Variants in ATP6V1A observed in about 807,000 individuals in gnomAD.
The protein encoded by ATP6V1A is V-type proton ATPase catalytic subunit A.
Under a neutral mutation model 70.1 loss-of-function variants are expected in ATP6V1A, and 18 were observed. That is an observed-to-expected ratio of 0.26 (90% CI 0.18 to 0.38). The LOEUF is 0.38. Ranked by LOEUF, ATP6V1A falls within the 10% of genes least tolerant of loss-of-function variation. The probability of loss-of-function intolerance (pLI) is 1.00; values close to 1 mark genes in which losing one functional copy is unlikely to be tolerated. For missense variants in ATP6V1A, 424 were observed against 772.4 expected (o/e 0.55, Z 5.35); for synonymous variants, 232 against 253.8 (o/e 0.91, Z 0.82).
chr3:113,806,602 G>A (rs1577097688), intron 14 of ATP6V1A, among the ~76,000 whole-genome samples: 1 of 152,016 alleles, frequency 6.6e-6, no homozygotes, highest in Non-Finnish European at 1.5e-5. Flanking sequence ...GGGATTACAG[G>A]TGCCTGCCAC....
At chr3:113,782,764 A>T (rs915239255) in intron 3 of ATP6V1A, among the ~76,000 whole-genome samples, 1 of 151,668 alleles carries the variant, frequency 6.6e-6, no homozygotes, top group African/African-American at 2.4e-5. Context: ...CTGGGATTAC[A>T]GGCACGTGCC....
intron 1 of ATP6V1A, among the ~76,000 whole-genome samples, chr3:113,757,886 C>T (rs530802800): frequency 2.6e-5 from 4 of 152,356 alleles, no homozygotes; most frequent in South Asian, 4.1e-4. Context: ...TGGCTCACGC[C>T]TGTAATCCCA....
At position 113,811,196 on chromosome 3, in the gene ATP6V1A, GTATT is replaced by G. The variant is rs1224086548; in HGVS notation, c.*1775_*1778del. 1 of 152,052 alleles carries G rather than the reference GTATT, an allele frequency of 6.6e-6. No homozygotes were observed. The highest frequency in any genetic ancestry group is 2.4e-5 in the African/African-American group (1 of 41,414). The allele number at this position is 152,052 out of a possible 1,614,324, so 9.4% of individuals were successfully genotyped here. On this transcript the variant is annotated 3_prime_UTR_variant, in exon 15 of 15. Coordinates refer to ENST00000273398, the MANE Select transcript of ATP6V1A (RefSeq NM_001690.4). ...CCCAAATTGTGATAGCATAAATAAA[GTATT>G]TATTTTATGCCTCAGTATATTATTA... is the stretch of plus-strand genomic sequence containing the variant.
chr3:113,795,049 G>A lies in ATP6V1A; in HGVS notation c.1112-41G>A, dbSNP rs754359929. Reference sequence around the variant, plus strand: ...CAAGACTGATGGGATTTTCGGGGCTGGCTTAGAAACTCTGTTTTAAAATTT... The same window carrying A: ...CAAGACTGATGGGATTTTCGGGGCTAGCTTAGAAACTCTGTTTTAAAATTT... On this transcript the variant is annotated intron_variant, in intron 9 of 14. Transcript: ENST00000273398. The A allele has an allele frequency of 8.7e-6, 14 of 1,613,362 alleles. No homozygotes were observed. The East Asian group carries it at 3.1e-4, about 36-fold the overall frequency.
chr3:113,778,358 C>T (rs1708939203), intron 1 of ATP6V1A, among the ~76,000 whole-genome samples: 1 of 152,186 alleles, frequency 6.6e-6, no homozygotes, highest in Non-Finnish European at 1.5e-5. Context: ...CCTTCCACTG[C>T]ACTCCAGCCT....
intron 14 of ATP6V1A, among the ~76,000 whole-genome samples, chr3:113,806,145 C>T (rs1217992245): frequency 2.0e-5 from 3 of 152,050 alleles, no homozygotes; most frequent in Middle Eastern, 3.2e-3. Flanking sequence ...GTGGGGCACA[C>T]ACCTGTAGTC....
chr3:113,761,473 G>A (rs190609058), intron 1 of ATP6V1A, among the ~76,000 whole-genome samples: 28 of 151,844 alleles, frequency 1.8e-4, no homozygotes, highest in African/African-American at 5.6e-4. Context: ...TTGGTGGCTC[G>A]CACGTGTTAT....
chr3:113,754,713 T>C (rs1205340375), intron 1 of ATP6V1A, among the ~76,000 whole-genome samples: 17 of 152,218 alleles, frequency 1.1e-4, no homozygotes, highest in Non-Finnish European at 2.5e-4. Flanking sequence ...GACTTAATCA[T>C]ATGACAGAAT....
At chr3:113,808,319 GTGTCACTC>G (rs1451613318) in intron 14 of ATP6V1A, among the ~76,000 whole-genome samples, 3 of 113,858 alleles carry the variant, frequency 2.6e-5, no homozygotes, top group Non-Finnish European at 5.1e-5. Flanking sequence ...CTGAGACAGA[GTGTCACTC>G]TGTCACTAGG....
chr3:113,808,440 C>T (rs566617614), intron 14 of ATP6V1A, among the ~76,000 whole-genome samples: 6 of 151,728 alleles, frequency 4.0e-5, no homozygotes, highest in South Asian at 2.1e-4. Context: ...TACAGGTGCA[C>T]GCCACCATGC....
chr3:113,782,670 C>G (rs1374596919), intron 3 of ATP6V1A, among the ~76,000 whole-genome samples: 1 of 150,610 alleles, frequency 6.6e-6, no homozygotes, highest in African/African-American at 2.4e-5. Flanking sequence ...GTCGCCCAGG[C>G]TGGAGTGCAG....
chr3:113,777,482 A>G (rs993260375), intron 1 of ATP6V1A, among the ~76,000 whole-genome samples: 1 of 152,204 alleles, frequency 6.6e-6, no homozygotes, highest in African/African-American at 2.4e-5. Flanking sequence ...AGTGCTGAAC[A>G]TGGTGGCTCA....
chr3:113,807,856 G>A (rs973769505), intron 14 of ATP6V1A, among the ~76,000 whole-genome samples: 5 of 151,818 alleles, frequency 3.3e-5, no homozygotes, highest in African/African-American at 4.8e-5. Flanking sequence ...GTTGTTGGCC[G>A]GGCGCATTGG....
chr3:113,778,641 C>A, intron 1 of ATP6V1A, 100 bp from the exon 2 acceptor site: 1 of 557,166 alleles, frequency 1.8e-6, no homozygotes, highest in African/African-American at 2.0e-5. Flanking sequence ...AAGAATACAC[C>A]AAAGATGAGA....
At chr3:113,795,784 T>TA (rs1251111734) in intron 10 of ATP6V1A, 92 bp from the exon 11 acceptor site, 2 of 1,000,460 alleles carry the variant, frequency 2.0e-6, no homozygotes, top group African/African-American at 1.7e-5. Context: ...AAATCGACTT[T>TA]AAAAAAAGTT....
intron 1 of ATP6V1A, among the ~76,000 whole-genome samples, chr3:113,753,099 A>G (rs765886788): frequency 5.9e-5 from 9 of 152,204 alleles, no homozygotes; most frequent in Non-Finnish European, 1.0e-4. Context: ...TGAGTTAACC[A>G]TTGAAAGAAC....
chr3:113,807,239 G>GC (rs1709285493), intron 14 of ATP6V1A, among the ~76,000 whole-genome samples: 1 of 150,100 alleles, frequency 6.7e-6, no homozygotes, highest in Non-Finnish European at 1.5e-5. Flanking sequence ...GAGTACAGTG[G>GC]CACGATCCTG....
At position 113,776,326 on chromosome 3, in the gene ATP6V1A, C is replaced by T. The variant is rs377144531; in HGVS notation, c.-13-2415C>T. 8.3e-4 allele frequency among the ~76,000 whole-genome samples: 126 copies of T among 152,204 alleles called. 1 individual carries two copies. Among genetic ancestry groups the T allele is most frequent in the African/African-American group, 2.5e-3 (103 of 41,532 alleles). ...TCAAGGCTGCAGTGAGCCGTGATCA[C>T]GCCACTGCACTCCAGCCTGCGTGAC... On this transcript the variant is annotated intron_variant, in intron 1 of 14. Transcript: ENST00000273398.
intron 1 of ATP6V1A, among the ~76,000 whole-genome samples, chr3:113,756,053 T>C (rs1175903600): frequency 6.6e-6 from 1 of 152,222 alleles, no homozygotes; most frequent in Non-Finnish European, 1.5e-5. Context: ...TATTAACTCA[T>C]GGAAGCCTCA....
Sources: gnomAD v4.1 joint callset for allele counts (sites outside exome capture counted in the v4.1 genomes callset) on GRCh38, gnomAD v4.1.1 for gene constraint, MANE v1.5 for transcripts, NCBI Gene and HGNC (gene_info 2026-07-23, HGNC 2026-07-21) for gene names.